The following STK17A variants were observed in gnomAD, a reference collection of about 807,000 sequenced individuals.
STK17A encodes the protein serine/threonine-protein kinase 17A.
Under a neutral mutation model 43.7 loss-of-function variants are expected in STK17A, and 26 were observed. The observed-to-expected ratio is 0.60, with a 90% CI of 0.44 to 0.83. STK17A has a LOEUF of 0.83. Ranked by LOEUF, STK17A falls within the 40% of genes least tolerant of loss-of-function variation. The pLI is 0.00. For missense variants in STK17A, 476 were observed against 511.6 expected (o/e 0.93, Z 0.67); for synonymous variants, 191 against 182.5 (o/e 1.05, Z -0.38).
intron 3 of STK17A, among the ~76,000 whole-genome samples, chr7:43,619,234 C>T (rs1297367525): frequency 1.3e-5 from 2 of 152,180 alleles, no homozygotes; most frequent in Non-Finnish European, 2.9e-5. Context: ...ACTGAGAAAA[C>T]AATACCAATT....
At chr7:43,598,323 A>T (rs1396582392) in intron 2 of STK17A, among the ~76,000 whole-genome samples, 1 of 152,114 alleles carries the variant, frequency 6.6e-6, no homozygotes, top group African/African-American at 2.4e-5. Flanking sequence ...ACAAAAAATT[A>T]GCTGGACATG....
Position 43,590,205 on chromosome 7 carries a change from G to A in STK17A, c.207-5696G>A, listed in dbSNP as rs1454529259. On this transcript the variant is annotated intron_variant, in intron 1 of 6. Coordinates refer to ENST00000319357, the MANE Select transcript of STK17A (RefSeq NM_004760.3). ...AAGCAATCCGCCTACCTCAGCCTCC[G>A]AAAGTGCTGGTATTACAGGCATGAG... Among the ~76,000 whole-genome samples, 7 of 151,084 alleles carry A rather than the reference G, an allele frequency of 4.6e-5. 1 individual carries two copies. Among genetic ancestry groups the A allele is most frequent in the Admixed American group, 1.3e-4 (2 of 15,156 alleles).
intron 2 of STK17A, among the ~76,000 whole-genome samples, chr7:43,603,753 G>C (rs543456613): frequency 9.9e-5 from 15 of 152,208 alleles, no homozygotes; most frequent in Non-Finnish European, 1.8e-4. Flanking sequence ...GTGATTCCAC[G>C]TGGTGGCGGA....
intron 3 of STK17A, among the ~76,000 whole-genome samples, chr7:43,615,290 C>T (rs1198392612): frequency 1.3e-5 from 2 of 152,128 alleles, no homozygotes; most frequent in Non-Finnish European, 2.9e-5. Context: ...ATCCTCCCAC[C>T]TCGGCCTCCC....
chr7:43,622,440 CCTT>C (rs1220175843), intron 4 of STK17A: 1 of 151,948 alleles, frequency 6.6e-6, no homozygotes, highest in Non-Finnish European at 1.5e-5. Flanking sequence ...CATTTTCATT[CCTT>C]TTTTTAATTG....
At chr7:43,601,214 A>C (rs769575606) in intron 2 of STK17A, among the ~76,000 whole-genome samples, 5 of 152,138 alleles carry the variant, frequency 3.3e-5, no homozygotes, top group Non-Finnish European at 7.4e-5. Flanking sequence ...TAAGCATGTT[A>C]CTCTTGAGAA....
rs994289270 is a variant in STK17A, at chr7:43,601,146, CATT to C, written c.419+5036_419+5038del. 5.0e-4 allele frequency among the ~76,000 whole-genome samples: 75 copies of C among 151,218 alleles called. No homozygotes were observed. The East Asian group carries it at 9.9e-3, about 20-fold the overall frequency. On this transcript the variant is annotated intron_variant, in intron 2 of 6. Coordinates refer to ENST00000319357, the MANE Select transcript of STK17A (RefSeq NM_004760.3). Reference sequence around the variant, plus strand: ...GCATGTTACAAAATAATGTGTATGGCATTATGTTGTTTTTATTTAAAAGTTTAT... The same window carrying C: ...GCATGTTACAAAATAATGTGTATGGCATGTTGTTTTTATTTAAAAGTTTAT...
intron 3 of STK17A, among the ~76,000 whole-genome samples, chr7:43,617,068 A>G (rs1191534951): frequency 3.9e-5 from 6 of 152,202 alleles, no homozygotes; most frequent in Admixed American, 3.3e-4. Flanking sequence ...ACCATATACA[A>G]ATTCACTCTT....
Position 43,625,734 on chromosome 7 carries a change from T to C in STK17A, c.*892T>C, listed in dbSNP as rs1583852337. 7.2e-6 allele frequency: 1 copy of C among 139,564 alleles called. No homozygotes were observed. The highest frequency in any genetic ancestry group is 2.0e-4 in the East Asian group (1 of 4,906). The allele number at this position is 139,564 out of a possible 1,614,324, so 8.6% of individuals were successfully genotyped here. On this transcript the variant is annotated 3_prime_UTR_variant, in exon 7 of 7. Transcript: ENST00000319357. The stretch of plus-strand genomic sequence containing the variant: ...CTACTATATTGCTTTTGTCCCAAAG[T>C]GAGTAAAATCCCCTAGAGCAGAGAG...
chr7:43,586,750 A>G (rs1285712521), intron 1 of STK17A, among the ~76,000 whole-genome samples: 1 of 151,612 alleles, frequency 6.6e-6, no homozygotes, highest in Non-Finnish European at 1.5e-5. Flanking sequence ...TAATATACCG[A>G]TAAATTTTTT....
chr7:43,596,500 T>C (rs1054585556), intron 2 of STK17A, among the ~76,000 whole-genome samples: 1 of 152,218 alleles, frequency 6.6e-6, no homozygotes, highest in African/African-American at 2.4e-5. Flanking sequence ...TACTATGTTT[T>C]CAATTTAAGT....
chr7:43,602,839 T>TGC, intron 2 of STK17A, among the ~76,000 whole-genome samples: 1 of 152,330 alleles, frequency 6.6e-6, no homozygotes, highest in Middle Eastern at 3.4e-3. Context: ...AGCTGCCTGT[T>TGC]GCGTATTCCT....
At chr7:43,620,673 CA>C (rs34416780) in intron 4 of STK17A, among the ~76,000 whole-genome samples, 1,758 of 131,310 alleles carry the variant, frequency 0.013, 27 homozygotes, top group African/African-American at 0.046. Context: ...GACTCCGTCT[CA>C]AAAAAAAAAA....
At chr7:43,623,984 C>A in intron 6 of STK17A, 96 bp downstream of exon 6, 1 of 855,290 alleles carries the variant, frequency 1.2e-6, no homozygotes, top group Non-Finnish European at 1.6e-6. Context: ...TCTCCTCCAA[C>A]CAAAAATAGT....
chr7:43,596,564 C>T (rs1196542782), intron 2 of STK17A, among the ~76,000 whole-genome samples: 2 of 152,076 alleles, frequency 1.3e-5, no homozygotes, highest in Non-Finnish European at 2.9e-5. Flanking sequence ...TGTTCTTTCT[C>T]CTTAAGAAAT....
Position 43,625,693 on chromosome 7 carries a change from G to T in STK17A, c.*851G>T, listed in dbSNP as rs1341861265. The T allele has an allele frequency of 6.6e-6, 1 of 151,836 alleles. No individual in the cohort carries two copies. The highest frequency in any genetic ancestry group is 2.4e-5 in the African/African-American group (1 of 41,326). 9.4% of individuals were successfully genotyped at this position (151,836 alleles called of 1,614,324 possible). The stretch of plus-strand genomic sequence containing the variant: ...ATCTGATCAACACTCTGGTTACCTT[G>T]GTCAGTGAAAAGATGCTACTATATT... On this transcript the variant is annotated 3_prime_UTR_variant, in exon 7 of 7. Transcript: ENST00000319357.
chr7:43,585,433 G>T (rs2082431847), intron 1 of STK17A, among the ~76,000 whole-genome samples: 1 of 151,140 alleles, frequency 6.6e-6, no homozygotes. Flanking sequence ...TTTCCGATCA[G>T]GTTTTTTTTT....
chr7:43,621,538 C>T (rs1415861080), intron 4 of STK17A, among the ~76,000 whole-genome samples: 1 of 152,128 alleles, frequency 6.6e-6, no homozygotes, highest in Non-Finnish European at 1.5e-5. Context: ...AATGCAGTGG[C>T]ACCATCATAG....
intron 3 of STK17A, chr7:43,609,696 TC>T (rs1316589405): frequency 6.6e-6 from 1 of 152,170 alleles, no homozygotes; most frequent in East Asian, 1.9e-4. Context: ...CAACCCTAGT[TC>T]CTAGTGTTTA....
Sources: allele counts gnomAD v4.1 joint callset (sites outside exome capture counted in the v4.1 genomes callset), GRCh38; gene constraint gnomAD v4.1.1; transcripts MANE v1.5; gene names NCBI Gene and HGNC (gene_info 2026-07-23, HGNC 2026-07-21).